The following LRRTM1 variants were observed in gnomAD, a reference collection of about 807,000 sequenced individuals.
The protein encoded by LRRTM1 is leucine-rich repeat transmembrane neuronal protein 1.
LRRTM1 carries 8 observed loss-of-function variants against 37.3 expected under a neutral mutation model. The ratio of observed to expected loss-of-function variants is 0.21; its 90% confidence interval spans 0.13 to 0.39. LRRTM1 has a LOEUF of 0.39. Ranked by LOEUF, LRRTM1 falls within the 10% of genes least tolerant of loss-of-function variation. LRRTM1 has a pLI of 1.00. For synonymous variants in LRRTM1, 326 were observed against 316.8 expected (o/e 1.03, Z -0.31); for missense variants, 557 against 691.0 (o/e 0.81, Z 2.17).
rs746882674 is a variant in LRRTM1 at position 80,303,702 on chromosome 2, G to A, written c.118C>T (p.Pro40Ser). The change falls in exon 2 of 2, where the codon CCG becomes TCG. Residue 40 changes from proline to serine, a missense_variant. By Grantham distance (74) the Pro-to-Ser change is moderately conservative. Transcript: ENST00000295057. The surrounding 1 kb of genome is among the most constrained non-coding windows in gnomAD (Gnocchi z 7.7). ...QMLPAAPSGC[P>S]QLCRCEGRLL... ...CGCCCCTCGCACCGGCACAGCTGCG[G>A]GCACCCGCTGGGGGCGGCGGGCAGC... 5 of 1,609,736 alleles carry A rather than the reference G, an allele frequency of 3.1e-6. No individual in the cohort carries two copies. Among genetic ancestry groups the A allele is most frequent in the Non-Finnish European group, 4.2e-6 (5 of 1,177,806 alleles).
At chr2:80,298,400 C>A (rs768133915), downstream of LRRTM1, 3 of 152,140 alleles carry the variant, frequency 2.0e-5, no homozygotes, top group Non-Finnish European at 4.4e-5. Flanking sequence ...TGATAATTTT[C>A]TCTGTGAGAG....
chr2:80,298,621 A>G (rs1302645832), downstream of LRRTM1: 1 of 152,258 alleles, frequency 6.6e-6, no homozygotes, highest in East Asian at 1.9e-4. Context: ...CCCTCTGATT[A>G]CTTACATATA....
intron 2 of LRRTM1, among the ~76,000 whole-genome samples, chr2:80,294,755 T>A (rs1482654854): frequency 6.6e-6 from 1 of 152,192 alleles, no homozygotes; most frequent in Non-Finnish European, 1.5e-5. Flanking sequence ...GGCTCCCAAG[T>A]GGTTCCAGTG....
intron 2 of LRRTM1, among the ~76,000 whole-genome samples, chr2:80,295,353 C>T (rs1165669466): frequency 6.6e-6 from 1 of 152,028 alleles, no homozygotes; most frequent in East Asian, 1.9e-4. Context: ...TCTAAAAACC[C>T]AATTCTCCCA....
chr2:80,303,678 G>T lies in LRRTM1; in HGVS notation c.142C>A (p.Arg48=), dbSNP rs1333390360. 7 of 1,611,076 alleles carry T rather than the reference G, an allele frequency of 4.3e-6. No individual in the cohort carries two copies. The South Asian group carries it at 7.7e-5, about 18-fold the overall frequency. The change falls in exon 2 of 2, where the codon CGG becomes AGG. Residue 48 remains arginine (R), a synonymous_variant. Transcript: ENST00000295057. The surrounding 1 kb of genome is among the most constrained non-coding windows in gnomAD (Gnocchi z 7.7). ...TTGAGCGCCTCGCAGTACAGCAGCC[G>T]CCCCTCGCACCGGCACAGCTGCGGG... is the stretch of plus-strand genomic sequence containing the variant. ...GCPQLCRCEG[R]LLYCEALNLT... is the part of the protein sequence containing the mutation.
downstream of LRRTM1, among the ~76,000 whole-genome samples, chr2:80,297,272 AAC>A (rs1411462795): frequency 6.6e-6 from 1 of 152,142 alleles, no homozygotes; most frequent in Admixed American, 6.5e-5. Context: ...GGAATAAAGA[AAC>A]AGTGTGTAGT....
intron 2 of LRRTM1, among the ~76,000 whole-genome samples, chr2:80,296,374 A>AT (rs925358340): frequency 1.4e-4 from 21 of 151,538 alleles, no homozygotes; most frequent in East Asian, 1.2e-3. Context: ...TGTTAACTTG[A>AT]TTTTTTTTTC....
At position 80,303,211 on chromosome 2, in the gene LRRTM1, G is replaced by A. The variant is rs1676535898; in HGVS notation, c.609C>T (p.Asn203=). 1.2e-6 allele frequency: 2 copies of A among 1,613,904 alleles called. No homozygotes were observed. The highest frequency in any genetic ancestry group is 1.1e-5 in the South Asian group (1 of 91,076). Residue 203 remains asparagine, a synonymous_variant, in exon 2 of 2, where the codon AAC becomes AAT. Coordinates refer to ENST00000295057, the MANE Select transcript of LRRTM1 (RefSeq NM_178839.5). The surrounding 1 kb of genome is among the most constrained non-coding windows in gnomAD (Gnocchi z 7.7). ...GYNQLKSLAR[N]SFAGLFKLTE... ...TGAGCTTAAACAAGCCGGCGAAAGAGTTGCGCGCCAGACTCTTGAGCTGAT... is the reference window on the plus strand; with the variant it reads ...TGAGCTTAAACAAGCCGGCGAAAGAATTGCGCGCCAGACTCTTGAGCTGAT...
rs182404870 is a variant in LRRTM1, at chr2:80,304,607, C to T, written c.-515G>A. The T allele has an allele frequency of 0.018, 2,802 of 152,000 alleles. 73 individuals are homozygous for T. Among genetic ancestry groups the T allele is most frequent in the African/African-American group, 0.055 (2,276 of 41,408 alleles). The allele number at this position is 152,000 out of a possible 1,614,324, so 9.4% of individuals were successfully genotyped here. A position where few individuals can be genotyped will look rare whatever the true frequency, so the allele number is the denominator to read the frequency against. On this transcript the variant is annotated 5_prime_UTR_variant, in exon 1 of 2. Transcript: ENST00000295057. ...GCTGCAGAGAGCGGGCTCACTCATGCTTTGCGGGCGGCGGGCGGCGGGCGG... is the reference window on the plus strand; with the variant it reads ...GCTGCAGAGAGCGGGCTCACTCATGTTTTGCGGGCGGCGGGCGGCGGGCGG...
At chr2:80,290,691 C>T (rs1475392858) in intron 2 of LRRTM1, among the ~76,000 whole-genome samples, 1 of 151,998 alleles carries the variant, frequency 6.6e-6, no homozygotes, top group Non-Finnish European at 1.5e-5. Context: ...CTGTGGTTTA[C>T]CCCAAAAATT....
chr2:80,292,522 T>C (rs1402202437), intron 2 of LRRTM1, among the ~76,000 whole-genome samples: 1 of 152,014 alleles, frequency 6.6e-6, no homozygotes, highest in Admixed American at 6.5e-5. Context: ...GAGAAAATCT[T>C]AAGGATTTTG....
chr2:80,290,586 T>C (rs1675149960), intron 2 of LRRTM1, among the ~76,000 whole-genome samples: 1 of 151,470 alleles, frequency 6.6e-6, no homozygotes. Flanking sequence ...CCCTTGAAAA[T>C]ACTATTTAGA....
chr2:80,300,284 GTGTGTGTGTGTGTGTGTGTGT>G (rs1676154771), downstream of LRRTM1, among the ~76,000 whole-genome samples: 3 of 12,090 alleles, frequency 2.5e-4, no homozygotes, highest in Non-Finnish European at 4.1e-4. Context: ...GTGTTGGGGT[GTGTGTGTGTGTGTGTGTGTGT>G]GTGTGTGTGT....
In LRRTM1 at chr2:80,302,731, G is replaced by A; in HGVS notation, c.1089C>T (p.Cys363=). Residue 363 remains cysteine, a synonymous_variant, in exon 2 of 2, where the codon TGC becomes TGT. Transcript: ENST00000295057. The surrounding 1 kb of genome is among the most constrained non-coding windows in gnomAD (Gnocchi z 6.4). Reference sequence around the variant, plus strand: ...CGCTGGTGGGCTCGGCCCCATCCTCGCACAGGTGGAAGGCGTACACGGCGT... The same window carrying A: ...CGCTGGTGGGCTCGGCCCCATCCTCACACAGGTGGAAGGCGTACACGGCGT... ...VLDAVYAFHL[C]EDGAEPTSGH... 5.6e-6 allele frequency: 9 copies of A among 1,613,018 alleles called. No individual in the cohort carries two copies. Among genetic ancestry groups the A allele is most frequent in the Non-Finnish European group, 7.6e-6 (9 of 1,179,862 alleles).
In LRRTM1 at chr2:80,303,757, G is replaced by A; in HGVS notation, c.63C>T (p.Val21=). 6.3e-7 allele frequency: 1 copy of A among 1,581,532 alleles called. No homozygotes were observed. The highest frequency in any genetic ancestry group is 8.6e-7 in the Non-Finnish European group (1 of 1,164,496). The part of the protein sequence containing the change: ...YWLLRRPSGV[V]LCLLGACFQM... Reference sequence around the variant, plus strand: ...GAAAGCAGGCCCCCAGCAGACACAAGACCACCCCCGAGGGCCTCCTCAGCA... The same window carrying A: ...GAAAGCAGGCCCCCAGCAGACACAAAACCACCCCCGAGGGCCTCCTCAGCA... Residue 21 remains valine, a synonymous_variant, in exon 2 of 2, where the codon GTC becomes GTT. Transcript: ENST00000295057. The surrounding 1 kb of genome is among the most constrained non-coding windows in gnomAD (Gnocchi z 7.7).
At chr2:80,294,949 G>C (rs1395179437) in intron 2 of LRRTM1, among the ~76,000 whole-genome samples, 1 of 152,212 alleles carries the variant, frequency 6.6e-6, no homozygotes, top group Non-Finnish European at 1.5e-5. Flanking sequence ...TGAGGAGTCA[G>C]TGTAATCACA....
At chr2:80,292,661 C>T (rs557155181) in intron 2 of LRRTM1, among the ~76,000 whole-genome samples, 1 of 152,306 alleles carries the variant, frequency 6.6e-6, no homozygotes, top group Non-Finnish European at 1.5e-5. Flanking sequence ...TCTGATAGGC[C>T]TATGCCAGCA....
chr2:80,303,996 C>T lies in LRRTM1; in HGVS notation c.-59-118G>A. Reference sequence around the variant, plus strand: ...CCCTCCCCAAAAACCACACGTTCACCTCTAAGCATGCAGAAAGCTGGGCAG... The same window carrying T: ...CCCTCCCCAAAAACCACACGTTCACTTCTAAGCATGCAGAAAGCTGGGCAG... On this transcript the variant is annotated intron_variant, in intron 1 of 1. Coordinates refer to ENST00000295057, the MANE Select transcript of LRRTM1 (RefSeq NM_178839.5). The surrounding 1 kb of genome is among the most constrained non-coding windows in gnomAD (Gnocchi z 7.7). The T allele has an allele frequency of 1.6e-6, 1 of 637,222 alleles. No individual in the cohort carries two copies. The highest frequency in any genetic ancestry group is 2.5e-6 in the Non-Finnish European group (1 of 403,702). The allele number at this position is 637,222 out of a possible 1,614,324, so 39.5% of individuals were successfully genotyped here.
downstream of LRRTM1, among the ~76,000 whole-genome samples, chr2:80,299,966 G>A (rs562945060): frequency 9.9e-4 from 151 of 152,078 alleles, no homozygotes; most frequent in Non-Finnish European, 1.9e-3. Flanking sequence ...TACATTTTTT[G>A]TTTTCTAAAA....
Sources: allele counts gnomAD v4.1 joint callset (sites outside exome capture counted in the v4.1 genomes callset), GRCh38; gene constraint gnomAD v4.1.1; non-coding constraint Gnocchi (gnomAD v3.1); transcripts MANE v1.5; gene names NCBI Gene and HGNC (gene_info 2026-07-23, HGNC 2026-07-21).